The following THSD7B variants were observed in gnomAD, a reference collection of about 807,000 sequenced individuals.
THSD7B encodes thrombospondin type-1 domain-containing protein 7B.
A neutral mutation model predicts 213.6 loss-of-function variants in THSD7B; 138 were observed. That is an observed-to-expected ratio of 0.65 (90% CI 0.56 to 0.74). The LOEUF (loss-of-function observed/expected upper bound fraction) is 0.74, where lower values mean the gene tolerates loss of function less well. Ranked by LOEUF, THSD7B falls within the 30% of genes least tolerant of loss-of-function variation. The pLI is 0.00. For synonymous variants in THSD7B, 742 were observed against 687.0 expected (o/e 1.08, Z -1.25); for missense variants, 1,931 against 1,991.5 (o/e 0.97, Z 0.58).
At chr2:137,312,648 C>T (rs1421379911) in intron 12 of THSD7B, among the ~76,000 whole-genome samples, 1 of 149,224 alleles carries the variant, frequency 6.7e-6, no homozygotes, top group African/African-American at 2.5e-5. Context: ...GCATTTAGTG[C>T]TATAAATTTC....
In THSD7B at chr2:137,480,232, C is replaced by T. The variant is rs1277364429; in HGVS notation, c.3138+29209C>T. Among the ~76,000 whole-genome samples, 8 of 152,092 alleles carry T rather than the reference C, an allele frequency of 5.3e-5. No homozygotes were observed. The South Asian group carries it at 6.2e-4, about 12-fold the overall frequency. ...TGAATACTAGATGCCTCTAGGCAGCCGTCTTGAAGTCCTGCTTATAGAAAA... is the reference window on the plus strand; with the variant it reads ...TGAATACTAGATGCCTCTAGGCAGCTGTCTTGAAGTCCTGCTTATAGAAAA... On this transcript the variant is annotated intron_variant, in intron 15 of 27. Coordinates refer to ENST00000409968, the MANE Select transcript of THSD7B (RefSeq NM_001316349.2).
At chr2:136,798,499 C>T (rs1244942601) in intron 1 of THSD7B, among the ~76,000 whole-genome samples, 5 of 151,896 alleles carry the variant, frequency 3.3e-5, no homozygotes, top group Non-Finnish European at 5.9e-5. Flanking sequence ...CAGTTCTTCA[C>T]CTGTCAGACT....
chr2:137,056,641 C>A lies in THSD7B; in HGVS notation c.361C>A (p.Arg121Ser). The change falls in exon 3 of 28, where the codon CGC (arginine) becomes AGC (serine). Residue 121 changes from arginine to serine, a missense_variant. By Grantham distance (110) the Arg-to-Ser change is moderately radical. Transcript: ENST00000409968. ...CCACTGTGTGCTTGTTCCTTACGCTCGCGGTGAAGTCAAGCCTCGGACTGC... is the reference window on the plus strand; with the variant it reads ...CCACTGTGTGCTTGTTCCTTACGCTAGCGGTGAAGTCAAGCCTCGGACTGC... ...WHHCVLVPYARGEVKPRTAEC... is the reference protein window; with the variant it reads ...WHHCVLVPYASGEVKPRTAEC... 1.2e-6 allele frequency: 2 copies of A among 1,613,892 alleles called. No individual in the cohort carries two copies. The highest frequency in any genetic ancestry group is 1.7e-6 in the Non-Finnish European group (2 of 1,179,878).
chr2:137,405,653 G>T lies in THSD7B; in HGVS notation c.2541G>T (p.Met847Ile), dbSNP rs1686499009. 2 of 1,610,996 alleles carry T rather than the reference G, an allele frequency of 1.2e-6. No individual in the cohort carries two copies. The highest frequency in any genetic ancestry group is 2.7e-5 in the African/African-American group (2 of 74,756). Residue 847 changes from methionine (M) to isoleucine (I), a missense_variant, in exon 13 of 28, where the codon ATG becomes ATT. Coordinates refer to ENST00000409968, the MANE Select transcript of THSD7B (RefSeq NM_001316349.2). ...CTGATGACAACCGGTCAGCAGAAAT[G>T]ATGGAATGCCTCAAGCAGACAAACG... Reference protein sequence around the residue: ...CISDDNRSAEMMECLKQTNGM... With the variant: ...CISDDNRSAEIMECLKQTNGM...
chr2:137,386,281 TTC>T (rs1390355013), intron 12 of THSD7B, among the ~76,000 whole-genome samples: 3 of 152,236 alleles, frequency 2.0e-5, no homozygotes, highest in African/African-American at 4.8e-5. Context: ...GAAATTTTAT[TTC>T]TGTTTCTTTC....
At chr2:137,206,602 A>G (rs1307502329) in intron 7 of THSD7B, among the ~76,000 whole-genome samples, 1 of 152,074 alleles carries the variant, frequency 6.6e-6, no homozygotes, top group Non-Finnish European at 1.5e-5. Flanking sequence ...CAAGGCTGCC[A>G]GCCACCACTC....
In THSD7B at chr2:137,231,723, G is replaced by A. The variant is rs564479913; in HGVS notation, c.1915+488G>A. The stretch of plus-strand genomic sequence containing the variant: ...CATGCCAGCATTCTGCAGGAGGGGG[G>A]CACATCATGGAGGCTGTGAAAATGG... On this transcript the variant is annotated intron_variant, in intron 8 of 27. Transcript: ENST00000409968. 7.9e-5 allele frequency among the ~76,000 whole-genome samples: 12 copies of A among 152,306 alleles called. No homozygotes were observed. In the South Asian group the frequency reaches 1.4e-3, roughly 18 times the overall value.
At chr2:137,469,400 A>G (rs544979920) in intron 15 of THSD7B, among the ~76,000 whole-genome samples, 1 of 152,360 alleles carries the variant, frequency 6.6e-6, no homozygotes, top group East Asian at 1.9e-4. Context: ...TGTAATGCAC[A>G]TTATTCAGAA....
intron 1 of THSD7B, among the ~76,000 whole-genome samples, chr2:136,829,316 CT>C (rs1464131946): frequency 2.6e-5 from 4 of 152,082 alleles, no homozygotes; most frequent in African/African-American, 9.7e-5. Flanking sequence ...CATAGCATCT[CT>C]TTTCTTGGCT....
chr2:136,937,755 C>A (rs541270720), intron 2 of THSD7B, among the ~76,000 whole-genome samples: 62 of 152,238 alleles, frequency 4.1e-4, no homozygotes, highest in African/African-American at 1.1e-3. Flanking sequence ...TGGAAGAGAC[C>A]TGCTTCTTAG....
At chr2:136,874,469 T>A (rs1200269585) in intron 1 of THSD7B, among the ~76,000 whole-genome samples, 1 of 152,206 alleles carries the variant, frequency 6.6e-6, no homozygotes, top group Admixed American at 6.5e-5. Context: ...ACAGTTACCA[T>A]GAGATGGCGC....
chr2:137,336,279 C>A (rs1381242768), intron 12 of THSD7B, among the ~76,000 whole-genome samples: 1 of 152,130 alleles, frequency 6.6e-6, no homozygotes, highest in East Asian at 1.9e-4. Flanking sequence ...GCAGGAAAAA[C>A]CAGTAAGTTA....
intron 12 of THSD7B, among the ~76,000 whole-genome samples, chr2:137,298,463 A>C (rs746605105): frequency 2.0e-5 from 3 of 152,198 alleles, no homozygotes; most frequent in Non-Finnish European, 4.4e-5. Context: ...AGCCAGCTGC[A>C]AAAATTTGCA....
intron 2 of THSD7B, among the ~76,000 whole-genome samples, chr2:136,926,166 C>T (rs1249736447): frequency 6.7e-6 from 1 of 148,856 alleles, no homozygotes; most frequent in Non-Finnish European, 1.5e-5. Flanking sequence ...TTCCTCCCTC[C>T]TTTCTCCCAT....
intron 15 of THSD7B, among the ~76,000 whole-genome samples, chr2:137,482,279 T>C (rs1299848249): frequency 1.3e-5 from 2 of 152,168 alleles, no homozygotes; most frequent in Non-Finnish European, 2.9e-5. Context: ...TTTTCAAATG[T>C]ATTTTGCATG....
At chr2:137,278,699 A>G (rs562101161) in intron 12 of THSD7B, among the ~76,000 whole-genome samples, 1 of 152,230 alleles carries the variant, frequency 6.6e-6, no homozygotes, top group African/African-American at 2.4e-5. Flanking sequence ...AGAGCAGGAG[A>G]CCTGTAAAGT....
At chr2:137,307,157 T>C (rs557160468) in intron 12 of THSD7B, among the ~76,000 whole-genome samples, 1 of 152,274 alleles carries the variant, frequency 6.6e-6, no homozygotes, top group Non-Finnish European at 1.5e-5. Context: ...AGAATTATTT[T>C]GGGGTCAGCA....
intron 21 of THSD7B, among the ~76,000 whole-genome samples, chr2:137,645,778 C>G (rs898252307): frequency 6.6e-6 from 1 of 151,892 alleles, no homozygotes; most frequent in African/African-American, 2.4e-5. Context: ...TATCTTTAAA[C>G]GCTTCTTTCC....
At chr2:137,639,693 A>C (rs994308875) in intron 20 of THSD7B, among the ~76,000 whole-genome samples, 1 of 152,064 alleles carries the variant, frequency 6.6e-6, no homozygotes, top group Non-Finnish European at 1.5e-5. Context: ...ATGGCAACCC[A>C]CCTTTTGCGT....
Sources: gnomAD v4.1 joint callset for allele counts (sites outside exome capture counted in the v4.1 genomes callset) on GRCh38, gnomAD v4.1.1 for gene constraint, MANE v1.5 for transcripts, NCBI Gene and HGNC (gene_info 2026-07-23, HGNC 2026-07-21) for gene names.